MCMBP: variants seen among roughly 807,000 people sequenced by gnomAD.
MCMBP encodes the protein minichromosome maintenance complex binding protein.
In MCMBP, 31 loss-of-function variants were observed where a neutral mutation model predicts 81.3. That is an observed-to-expected ratio of 0.38 (90% CI 0.29 to 0.51). MCMBP has a LOEUF of 0.51. MCMBP is among the 20% of genes least tolerant of loss of function. The pLI, the probability that MCMBP is intolerant of heterozygous loss-of-function variation, is 0.87. For synonymous variants in MCMBP, 267 were observed against 275.9 expected, an observed-to-expected ratio of 0.97 and a Z score of 0.32; for missense variants, 645 against 772.1, an observed-to-expected ratio of 0.84 and a Z score of 1.95.
In MCMBP at chr10:119,839,574, C is replaced by G. The variant is rs58177417; in HGVS notation, c.1243-874G>C. Among the ~76,000 whole-genome samples, 1,023 of 152,234 alleles carry G rather than the reference C, an allele frequency of 6.7e-3. 10 individuals carry two copies. The highest frequency in any genetic ancestry group is 0.024 in the African/African-American group (981 of 41,544). On this transcript the variant is annotated intron_variant, in intron 11 of 15. Coordinates refer to ENST00000369077, the MANE Select transcript of MCMBP (RefSeq NM_001256378.2). The stretch of plus-strand genomic sequence containing the variant: ...CTCTGTGAGGGCAAAGGATCTGTTT[C>G]AATAATTCTCAAAATGTGGTCCCGA...
chr10:119,838,931 C>A (rs1353390087), intron 11 of MCMBP, among the ~76,000 whole-genome samples: 1 of 152,064 alleles, frequency 6.6e-6, no homozygotes, highest in African/African-American at 2.4e-5. Context: ...GTTCAATATT[C>A]TTGAAAATCA....
At position 119,859,053 on chromosome 10, in the gene MCMBP, G is replaced by A; in HGVS notation, c.273C>T (p.Asn91=). Residue 91 remains asparagine (N), a synonymous_variant, in exon 3 of 16, where the codon AAC becomes AAT. Transcript: ENST00000369077. ...CAGCAATACTTACATGTGCTTTTGT[G>A]TTTTGGTTAACCGTTTCATAAACTC... The part of the protein sequence containing the change: ...YMGVYETVNQ[N]TKAHVLHFGK... The A allele has an allele frequency of 6.2e-7, 1 of 1,613,562 alleles. No individual in the cohort carries two copies. Among genetic ancestry groups the A allele is most frequent in the South Asian group, 1.1e-5 (1 of 91,032 alleles).
rs1852728405 is a variant in MCMBP, at chr10:119,849,353, A to G, written c.726+72T>C. ...AGCCCAGCACAAGGGAACAAATGCAAATGCTCAGACACTAAGCTACTTTCT... is the reference window on the plus strand; with the variant it reads ...AGCCCAGCACAAGGGAACAAATGCAGATGCTCAGACACTAAGCTACTTTCT... On this transcript the variant is annotated intron_variant, in intron 7 of 15. Coordinates refer to ENST00000369077, the MANE Select transcript of MCMBP (RefSeq NM_001256378.2). 27 of 1,489,932 alleles carry G rather than the reference A, an allele frequency of 1.8e-5. 2 individuals are homozygous for G. In the South Asian group the frequency reaches 3.3e-4, roughly 18 times the overall value. The allele number at this position is 1,489,932 out of a possible 1,614,324, so 92.3% of individuals were successfully genotyped here.
At chr10:119,857,649 A>C in intron 4 of MCMBP, 2 of 385,442 alleles carry the variant, frequency 5.2e-6, no homozygotes, top group Non-Finnish European at 9.4e-6. Context: ...CCTCCCTCAA[A>C]TCCAGAAAAA....
rs1057502695 is a variant in MCMBP, at chr10:119,829,770, T to G, written c.*1704A>C. 4 of 152,172 alleles carry G rather than the reference T, an allele frequency of 2.6e-5. No individual in the cohort carries two copies. Among genetic ancestry groups the G allele is most frequent in the African/African-American group, 9.7e-5 (4 of 41,428 alleles). 9.4% of individuals were successfully genotyped at this position (152,172 alleles called of 1,614,324 possible). On this transcript the variant is annotated 3_prime_UTR_variant, in exon 16 of 16. Transcript: ENST00000369077. ...CACATGGGATGGTGAATCTTCTTAC[T>G]CATGAAAAACAGCCCAAGGTACTGC...
rs10550 is a variant in MCMBP, at chr10:119,830,262, T to C, written c.*1212A>G. 0.068 allele frequency: 10,383 copies of C among 152,710 alleles called. 491 individuals carry two copies. Among genetic ancestry groups the C allele is most frequent in the Middle Eastern group, 0.13 (37 of 294 alleles). The allele number at this position is 152,710 out of a possible 1,614,324, so 9.5% of individuals were successfully genotyped here. A position where few individuals can be genotyped will look rare whatever the true frequency, so the allele number is the denominator to read the frequency against. On this transcript the variant is annotated 3_prime_UTR_variant, in exon 16 of 16. Coordinates refer to ENST00000369077, the MANE Select transcript of MCMBP (RefSeq NM_001256378.2). ...TATCTGCCTCCAACTAGGTAAGTTA[T>C]TTGATACCACTGACAGCTTAAAAAG... is the stretch of plus-strand genomic sequence containing the variant.
At position 119,829,842 on chromosome 10, in the gene MCMBP, T is replaced by C. The variant is rs1003816964; in HGVS notation, c.*1632A>G. ...TTGGAAAGGTTCTTTCAAGGGAACT[T>C]TTCTGCAAGACCAAGCAATGTATGT... On this transcript the variant is annotated 3_prime_UTR_variant, in exon 16 of 16. Coordinates refer to ENST00000369077, the MANE Select transcript of MCMBP (RefSeq NM_001256378.2). The C allele has an allele frequency of 5.3e-5, 8 of 152,234 alleles. No individual in the cohort carries two copies. The highest frequency in any genetic ancestry group is 1.2e-4 in the African/African-American group (5 of 41,452). The allele number at this position is 152,234 out of a possible 1,614,324, so 9.4% of individuals were successfully genotyped here.
chr10:119,852,985 T>G, intron 6 of MCMBP, 65 bp downstream of exon 6: 1 of 1,578,464 alleles, frequency 6.3e-7, no homozygotes, highest in Middle Eastern at 1.7e-4. Flanking sequence ...ATGTAACAAT[T>G]CACTCTGAAA....
intron 3 of MCMBP, 40 bp downstream of exon 3, chr10:119,859,001 A>G (rs1273769053): frequency 6.2e-7 from 1 of 1,611,504 alleles, no homozygotes; most frequent in East Asian, 2.2e-5. Flanking sequence ...GTAAAAGGAC[A>G]AAATTAATAC....
rs1352986302 is a variant in MCMBP at position 119,830,328 on chromosome 10, A to C, written c.*1146T>G. 2.0e-5 allele frequency: 3 copies of C among 152,490 alleles called. No homozygotes were observed. Among genetic ancestry groups the C allele is most frequent in the African/African-American group, 4.8e-5 (2 of 41,468 alleles). The allele number at this position is 152,490 out of a possible 1,614,324, so 9.4% of individuals were successfully genotyped here. ...TCTGAAGATTCTGGTTGCCATAACCATGCTACTACAGTCTGTTGTTAGTTT... is the reference window on the plus strand; with the variant it reads ...TCTGAAGATTCTGGTTGCCATAACCCTGCTACTACAGTCTGTTGTTAGTTT... On this transcript the variant is annotated 3_prime_UTR_variant, in exon 16 of 16. Transcript: ENST00000369077.
Position 119,843,438 on chromosome 10 carries a change from T to G in MCMBP, c.828-12A>C. ...GTGCAGAGGCATCCCTGTGGAGAGGTGATAAAGTTTCAATTTAGAGAGACA... is the reference window on the plus strand; with the variant it reads ...GTGCAGAGGCATCCCTGTGGAGAGGGGATAAAGTTTCAATTTAGAGAGACA... On this transcript the variant is annotated splice_polypyrimidine_tract_variant and intron_variant, in intron 8 of 15. Transcript: ENST00000369077. The G allele has an allele frequency of 6.2e-7, 1 of 1,605,542 alleles. No individual in the cohort carries two copies. Among genetic ancestry groups the G allele is most frequent in the South Asian group, 1.1e-5 (1 of 90,452 alleles).
chr10:119,859,275 T>C, intron 2 of MCMBP, 94 bp from the exon 3 acceptor site: 1 of 615,230 alleles, frequency 1.6e-6, no homozygotes, highest in Non-Finnish European at 2.7e-6. Context: ...CTCAAACTGT[T>C]ACACACACAC....
At chr10:119,872,481 CA>C (rs1406322488) in intron 1 of MCMBP, 45 bp downstream of exon 1, 1 of 1,139,778 alleles carries the variant, frequency 8.8e-7, no homozygotes, top group Non-Finnish European at 1.1e-6. Flanking sequence ...CGGGGCCCGG[CA>C]AACTCGGCTG....
intron 6 of MCMBP, among the ~76,000 whole-genome samples, chr10:119,850,874 G>GTT (rs1284100421): frequency 0.019 from 2,518 of 130,458 alleles, 52 homozygotes; most frequent in Non-Finnish European, 0.03. Context: ...TACAAGATCT[G>GTT]TTTTTTTTTT....
In MCMBP at chr10:119,855,328, T is replaced by A. The variant is rs191496880; in HGVS notation, c.429+2010A>T. Among the ~76,000 whole-genome samples the A allele has an allele frequency of 3.3e-5, 5 of 152,272 alleles. No individual in the cohort carries two copies. In the East Asian group the frequency reaches 9.6e-4, roughly 29 times the overall value. On this transcript the variant is annotated intron_variant, in intron 5 of 15. Coordinates refer to ENST00000369077, the MANE Select transcript of MCMBP (RefSeq NM_001256378.2). Reference sequence around the variant, plus strand: ...AATTTATAGCTTTAGTTGCTAACATTAGAAAATAAGAAAAATTTGAAATCA... The same window carrying A: ...AATTTATAGCTTTAGTTGCTAACATAAGAAAATAAGAAAAATTTGAAATCA...
rs1429316318 is a variant in MCMBP, at chr10:119,842,575, C to T, written c.1021G>A (p.Glu341Lys). The change falls in exon 10 of 16, where the codon GAA becomes AAA. Residue 341 changes from glutamate to lysine, a missense_variant. Physicochemically the swap from Glu to Lys is moderately conservative, Grantham distance 56 (BLOSUM62 1). Coordinates refer to ENST00000369077, the MANE Select transcript of MCMBP (RefSeq NM_001256378.2). The stretch of plus-strand genomic sequence containing the variant: ...AGTTCTGCTCTGACTGGAGACAATT[C>T]GGACATGAAACTTGAAACAACTGAA... ...SKTFVSSFMS[E>K]LSPVRAELLG... 7 of 1,613,100 alleles carry T rather than the reference C, an allele frequency of 4.3e-6. No homozygotes were observed. The highest frequency in any genetic ancestry group is 1.3e-5 in the African/African-American group (1 of 74,848).
chr10:119,849,610 T>C (rs1184268480), intron 6 of MCMBP, 34 bp from the exon 7 acceptor site: 1 of 1,519,690 alleles, frequency 6.6e-7, no homozygotes, highest in Non-Finnish European at 8.8e-7. Context: ...ACTTAGTCAT[T>C]TCTAAGGCCT....
At chr10:119,847,586 G>A in intron 8 of MCMBP, 27 bp downstream of exon 8, 1 of 1,378,008 alleles carries the variant, frequency 7.3e-7, no homozygotes, top group Non-Finnish European at 1.0e-6. Flanking sequence ...AAATAAAGGA[G>A]ACCAAAAAAA....
At chr10:119,844,596 A>G (rs953198378) in intron 8 of MCMBP, among the ~76,000 whole-genome samples, 2 of 152,198 alleles carry the variant, frequency 1.3e-5, no homozygotes, top group Admixed American at 6.5e-5. Context: ...TACTTTGTCA[A>G]TCTGACTGGA....
Sources: gnomAD v4.1 joint callset for allele counts (sites outside exome capture counted in the v4.1 genomes callset) on GRCh38, gnomAD v4.1.1 for gene constraint, MANE v1.5 for transcripts, NCBI Gene and HGNC (gene_info 2026-07-23, HGNC 2026-07-21) for gene names.